CD55: variants seen among roughly 807,000 people sequenced by gnomAD.
CD55 encodes CD55 molecule (Cromer blood group).
A neutral mutation model predicts 45.8 loss-of-function variants in CD55; 41 were observed. The observed-to-expected ratio is 0.90, with a 90% CI of 0.70 to 1.16. CD55 has a LOEUF of 1.16. Among genes scored for constraint, CD55 ranks in the 50% most tolerant of loss-of-function variants. The pLI, the probability that CD55 is intolerant of heterozygous loss-of-function variation, is 0.00. For synonymous variants in CD55, 181 were observed against 181.1 expected, an observed-to-expected ratio of 1.00 and a Z score of 0.01; for missense variants, 416 against 469.8, an observed-to-expected ratio of 0.89 and a Z score of 1.06.
chr1:207,325,151 A>G lies in CD55; in HGVS notation c.478+401A>G, dbSNP rs139932979. Among the ~76,000 whole-genome samples, 629 of 152,174 alleles carry G rather than the reference A, an allele frequency of 4.1e-3. 5 individuals are homozygous for G. Among genetic ancestry groups the G allele is most frequent in the African/African-American group, 0.014 (595 of 41,518 alleles). On this transcript the variant is annotated intron_variant, in intron 3 of 9. Coordinates refer to ENST00000367064, the MANE Select transcript of CD55 (RefSeq NM_000574.5). ...GGAGATTGAGAGTAGCCTGGCCAAC[A>G]TGATGAAACCCTGACTCTACTAAAA...
intron 5 of CD55, among the ~76,000 whole-genome samples, chr1:207,330,213 T>C (rs1298903343): frequency 6.6e-6 from 1 of 152,176 alleles, no homozygotes; most frequent in African/African-American, 2.4e-5. Context: ...TTGTTGCTGC[T>C]TGTTTTGATC....
intron 9 of CD55, among the ~76,000 whole-genome samples, chr1:207,341,685 A>T (rs1227320272): frequency 6.6e-6 from 1 of 151,870 alleles, no homozygotes; most frequent in Non-Finnish European, 1.5e-5. Flanking sequence ...AGGTAGCGTG[A>T]TGCTGCCAGC....
chr1:207,324,295 T>G (rs1253506789), intron 2 of CD55, among the ~76,000 whole-genome samples: 2 of 151,846 alleles, frequency 1.3e-5, no homozygotes. Flanking sequence ...CCAGGCAACT[T>G]AAATTTTTTT....
chr1:207,328,444 G>T (rs1654784331), intron 5 of CD55, among the ~76,000 whole-genome samples: 1 of 152,174 alleles, frequency 6.6e-6, no homozygotes, highest in Non-Finnish European at 1.5e-5. Context: ...TGTAGCCCTA[G>T]ACTATAAACA....
intron 9 of CD55, chr1:207,347,498 G>C (rs941456726): frequency 3.6e-6 from 1 of 278,606 alleles, no homozygotes; most frequent in South Asian, 3.3e-5. Flanking sequence ...CTGGCCTCGA[G>C]ATCTGCCTGC....
chr1:207,325,626 A>G lies in CD55; in HGVS notation c.483A>G (p.Lys161=), dbSNP rs1213765459. Residue 161 remains lysine (K), a synonymous_variant, in exon 4 of 10, where the codon AAA becomes AAG. Coordinates refer to ENST00000367064, the MANE Select transcript of CD55 (RefSeq NM_000574.5). ...WSTAVEFCKK[K]SCPNPGEIRN... is the part of the protein sequence containing the mutation. The stretch of plus-strand genomic sequence containing the variant: ...TCAATTTGTATTCTATTCTAGAGAA[A>G]TCATGCCCTAATCCGGGAGAAATAC... The G allele has an allele frequency of 6.3e-7, 1 of 1,599,642 alleles. No homozygotes were observed.
intron 6 of CD55, among the ~76,000 whole-genome samples, chr1:207,335,866 C>G (rs1456614153): frequency 6.6e-6 from 1 of 152,110 alleles, no homozygotes; most frequent in East Asian, 1.9e-4. Context: ...TTCCCTTAAT[C>G]CTTCCTCAAT....
At position 207,322,569 on chromosome 1, in the gene CD55, T is replaced by G. The variant is rs752360687; in HGVS notation, c.286+2T>G. ...CAGATATTGAAGAGTTCTGCAATCG[T>G]AAGTTCTTCATCTTTTTAGAAAAGT... On this transcript the variant is annotated splice_donor_variant, in intron 2 of 9. Transcript: ENST00000367064. LOFTEE classifies it high-confidence loss of function. 5.0e-6 allele frequency: 8 copies of G among 1,594,340 alleles called. No individual in the cohort carries two copies. The highest frequency in any genetic ancestry group is 6.8e-6 in the Non-Finnish European group (8 of 1,172,600).
At chr1:207,347,150 G>C (rs1421139911) in intron 9 of CD55, 1 of 456,152 alleles carries the variant, frequency 2.2e-6, no homozygotes, top group African/African-American at 2.0e-5. Flanking sequence ...CCATGGAAGA[G>C]GAGAAGACCA....
At chr1:207,349,682 G>A (rs28739009) in intron 9 of CD55, among the ~76,000 whole-genome samples, 6,138 of 152,214 alleles carry the variant, frequency 0.04, 183 homozygotes, top group African/African-American at 0.092. Context: ...CTGTCAGCTT[G>A]ACATTGTTGG....
At chr1:207,354,298 C>T (rs1655999695) in intron 9 of CD55, 1 of 952,312 alleles carries the variant, frequency 1.1e-6, no homozygotes, top group African/African-American at 1.8e-5. Flanking sequence ...CTTACCCTTT[C>T]TTGGTCTCAG....
intron 3 of CD55, 128 bp downstream of exon 3, chr1:207,324,878 A>G: frequency 2.2e-6 from 1 of 456,822 alleles, no homozygotes; most frequent in Non-Finnish European, 3.8e-6. Context: ...TAGGACCATG[A>G]GTGTCAATTT....
chr1:207,340,450 C>T (rs766440474), intron 9 of CD55: 22 of 667,450 alleles, frequency 3.3e-5, no homozygotes, highest in Admixed American at 2.8e-4. Context: ...ACTGCAGTCT[C>T]GAACTCCTGG....
At chr1:207,333,000 G>A (rs1655017275) in intron 6 of CD55, among the ~76,000 whole-genome samples, 1 of 152,116 alleles carries the variant, frequency 6.6e-6, no homozygotes, top group Non-Finnish European at 1.5e-5. Flanking sequence ...GGTTATGGAG[G>A]GATAGGGTAA....
intron 9 of CD55, among the ~76,000 whole-genome samples, chr1:207,343,983 C>T (rs1655531250): frequency 6.6e-6 from 1 of 152,150 alleles, no homozygotes; most frequent in African/African-American, 2.4e-5. Context: ...ACAGCTACTC[C>T]TGTTTGTTTT....
Position 207,359,692 on chromosome 1 carries a change from A to C in CD55, c.*82A>C, listed in dbSNP as rs148706333. On this transcript the variant is annotated 3_prime_UTR_variant, in exon 10 of 10. Transcript: ENST00000367064. ...TAGACTTATCTGCATATTGGATAAAATAAATGCAATTGTGCTCTTCATTTA... is the reference window on the plus strand; with the variant it reads ...TAGACTTATCTGCATATTGGATAAACTAAATGCAATTGTGCTCTTCATTTA... 7.3e-4 allele frequency: 1,094 copies of C among 1,498,702 alleles called. 9 individuals carry two copies. In the African/African-American group the frequency reaches 0.015, roughly 20 times the overall value. The allele number at this position is 1,498,702 out of a possible 1,614,324, so 92.8% of individuals were successfully genotyped here.
At chr1:207,341,939 CT>C (rs1302766122) in intron 9 of CD55, among the ~76,000 whole-genome samples, 3 of 151,882 alleles carry the variant, frequency 2.0e-5, no homozygotes, top group Middle Eastern at 3.2e-3. Flanking sequence ...TGTAGTTTTC[CT>C]TGTAGGGGTC....
intron 9 of CD55, among the ~76,000 whole-genome samples, chr1:207,358,174 A>G (rs1558161046): frequency 6.6e-6 from 1 of 152,192 alleles, no homozygotes; most frequent in Non-Finnish European, 1.5e-5. Flanking sequence ...TGTGCACATA[A>G]AAAACACTCC....
rs1289423805 is a variant in CD55, at chr1:207,359,936, T to C, written c.*326T>C. ...GAAAAGAGAAGGAAAGTGATTTTTT[T>C]CCACAAGATCTGTAATGTTATTTCC... On this transcript the variant is annotated 3_prime_UTR_variant, in exon 10 of 10. Coordinates refer to ENST00000367064, the MANE Select transcript of CD55 (RefSeq NM_000574.5). The C allele has an allele frequency of 3.6e-5, 8 of 222,330 alleles. No individual in the cohort carries two copies. Among genetic ancestry groups the C allele is most frequent in the East Asian group, 9.2e-5 (1 of 10,926 alleles). The allele number at this position is 222,330 out of a possible 1,614,324, so 13.8% of individuals were successfully genotyped here.
Sources: allele counts gnomAD v4.1 joint callset (sites outside exome capture counted in the v4.1 genomes callset), GRCh38; gene constraint gnomAD v4.1.1; transcripts MANE v1.5; gene names NCBI Gene and HGNC (gene_info 2026-07-23, HGNC 2026-07-21).